Variants in LRRC17 observed in about 807,000 individuals in gnomAD.
LRRC17 encodes the protein leucine-rich repeat-containing protein 17.
Under a neutral mutation model 41.5 loss-of-function variants are expected in LRRC17, and 33 were observed. That is an observed-to-expected ratio of 0.80 (90% CI 0.60 to 1.06). The LOEUF (loss-of-function observed/expected upper bound fraction) is 1.06, where lower values mean the gene tolerates loss of function less well. LRRC17 is among the 50% of genes least tolerant of loss of function. The probability of loss-of-function intolerance (pLI) is 0.00; values close to 1 mark genes in which losing one functional copy is unlikely to be tolerated. For missense variants in LRRC17, 491 were observed against 519.3 expected (o/e 0.95, Z 0.53); for synonymous variants, 192 against 197.0 (o/e 0.97, Z 0.21).
intron 1 of LRRC17, among the ~76,000 whole-genome samples, chr7:102,922,168 C>A (rs988350874): frequency 6.9e-6 from 1 of 145,604 alleles, no homozygotes; most frequent in South Asian, 2.2e-4. Context: ...CCAGCCTGGG[C>A]GACAGAGGAA....
chr7:102,926,814 A>T (rs1818229935), intron 1 of LRRC17, among the ~76,000 whole-genome samples: 1 of 152,234 alleles, frequency 6.6e-6, no homozygotes, highest in Non-Finnish European at 1.5e-5. Context: ...AACAGTCCAT[A>T]TTTATACACA....
chr7:102,921,652 C>T (rs545250882), intron 1 of LRRC17, among the ~76,000 whole-genome samples: 44 of 152,154 alleles, frequency 2.9e-4, no homozygotes, highest in Non-Finnish European at 6.3e-4. Flanking sequence ...TGCACTCCAG[C>T]CTGGGCGACA....
At chr7:102,924,053 A>C (rs981441201) in intron 1 of LRRC17, among the ~76,000 whole-genome samples, 1 of 151,966 alleles carries the variant, frequency 6.6e-6, no homozygotes, top group Non-Finnish European at 1.5e-5. Flanking sequence ...CAGCCCGACC[A>C]ACATAGAGAA....
intron 1 of LRRC17, 169 bp downstream of exon 1, chr7:102,913,314 T>C (rs113310299): frequency 6.9e-7 from 1 of 1,446,672 alleles, no homozygotes; most frequent in Non-Finnish European, 9.5e-7. Context: ...AATTCAACTC[T>C]TCTTCTTGCA....
At chr7:102,924,695 G>A (rs1024985021) in intron 1 of LRRC17, among the ~76,000 whole-genome samples, 2 of 141,724 alleles carry the variant, frequency 1.4e-5, no homozygotes, top group African/African-American at 5.2e-5. Flanking sequence ...AGGCTGGAGT[G>A]CAGTGGCGCA....
chr7:102,939,628 C>A, intron 3 of LRRC17, 43 bp downstream of exon 3: 2 of 1,543,658 alleles, frequency 1.3e-6, no homozygotes, highest in South Asian at 2.5e-5. Flanking sequence ...GGCAAGTGTT[C>A]TGTGATTTTT....
At chr7:102,915,347 T>C (rs1227247829) in intron 1 of LRRC17, among the ~76,000 whole-genome samples, 1 of 152,190 alleles carries the variant, frequency 6.6e-6, no homozygotes, top group Non-Finnish European at 1.5e-5. Flanking sequence ...GTAATATTAT[T>C]GCTACTACTA....
In LRRC17 at chr7:102,934,405, C is replaced by T. The variant is rs1819867661; in HGVS notation, c.492C>T (p.Pro164=). ...GCTACCTGCGTCTTTATGACAACCC[C>T]TGGCACTGTACTTGTGAGATAGAAA... ...LLSYLRLYDN[P]WHCTCEIETL... Residue 164 remains proline (P), a synonymous_variant, in exon 2 of 4, where the codon CCC becomes CCT. Transcript: ENST00000339431. 1 of 1,614,078 alleles carries T rather than the reference C, an allele frequency of 6.2e-7. No individual in the cohort carries two copies. Among genetic ancestry groups the T allele is most frequent in the South Asian group, 1.1e-5 (1 of 91,086 alleles).
intron 2 of LRRC17, among the ~76,000 whole-genome samples, chr7:102,935,732 A>T (rs1465004749): frequency 3.3e-5 from 5 of 152,212 alleles, no homozygotes; most frequent in African/African-American, 1.2e-4. Flanking sequence ...GAACCATGTA[A>T]CAATGTCTAT....
intron 1 of LRRC17, among the ~76,000 whole-genome samples, chr7:102,932,577 T>A (rs139543315): frequency 7.8e-4 from 1 of 1,278 alleles, no homozygotes; most frequent in African/African-American, 1.0e-3. Context: ...ATACAATAGT[T>A]ATTCTGTTTG....
intron 1 of LRRC17, among the ~76,000 whole-genome samples, chr7:102,914,909 G>A (rs1395999147): frequency 1.3e-5 from 2 of 152,072 alleles, no homozygotes; most frequent in African/African-American, 4.8e-5. Context: ...TTTTCTTGGG[G>A]TGGGGAGAGG....
At chr7:102,931,694 A>T (rs963433163) in intron 1 of LRRC17, among the ~76,000 whole-genome samples, 1 of 152,236 alleles carries the variant, frequency 6.6e-6, no homozygotes, top group East Asian at 1.9e-4. Flanking sequence ...AACACTGAGC[A>T]TACATCTACA....
chr7:102,939,383 TG>T (rs1213722597), intron 2 of LRRC17, 46 bp from the exon 3 acceptor site: 85 of 1,517,960 alleles, frequency 5.6e-5, no homozygotes, highest in Non-Finnish European at 7.6e-5. Context: ...ACCGAGGAAA[TG>T]GGGGCAAAAA....
intron 2 of LRRC17, among the ~76,000 whole-genome samples, chr7:102,937,876 T>C (rs967762853): frequency 5.3e-5 from 8 of 152,218 alleles, no homozygotes; most frequent in Non-Finnish European, 8.8e-5. Context: ...TGGTCACACA[T>C]AGAGAACTTG....
chr7:102,929,211 G>A (rs578215096), intron 1 of LRRC17, among the ~76,000 whole-genome samples: 2 of 152,244 alleles, frequency 1.3e-5, no homozygotes, highest in South Asian at 4.1e-4. Context: ...GTTTTACTGT[G>A]GAAATGGGAT....
intron 1 of LRRC17, among the ~76,000 whole-genome samples, chr7:102,918,802 T>C (rs1816413878): frequency 6.6e-6 from 1 of 152,230 alleles, no homozygotes; most frequent in African/African-American, 2.4e-5. Flanking sequence ...CCAAATCATC[T>C]ACTTTGTAAG....
In LRRC17 at chr7:102,913,053, A is replaced by T. The variant is rs752002315; in HGVS notation, c.-233A>T. On this transcript the variant is annotated 5_prime_UTR_variant, in exon 1 of 4. Transcript: ENST00000339431. ...CCCATTCTCTGGAGAACTTCCTCAC[A>T]CACCGCAGCAAAGAGAAGACTGAAA... 6.2e-7 allele frequency: 1 copy of T among 1,613,868 alleles called. No individual in the cohort carries two copies. The highest frequency in any genetic ancestry group is 8.5e-7 in the Non-Finnish European group (1 of 1,179,842).
chr7:102,942,808 A>C (rs1312338898), intron 3 of LRRC17, among the ~76,000 whole-genome samples: 2 of 152,174 alleles, frequency 1.3e-5, no homozygotes, highest in Non-Finnish European at 2.9e-5. Context: ...GTATGACCAC[A>C]TATTTTCCTA....
intron 1 of LRRC17, among the ~76,000 whole-genome samples, chr7:102,931,527 T>C (rs1438909790): frequency 1.3e-5 from 2 of 152,202 alleles, no homozygotes; most frequent in Non-Finnish European, 2.9e-5. Flanking sequence ...TTCATTTCCA[T>C]CTTCTTTGGC....
Sources: allele counts gnomAD v4.1 joint callset (sites outside exome capture counted in the v4.1 genomes callset), GRCh38; gene constraint gnomAD v4.1.1; transcripts MANE v1.5; gene names NCBI Gene and HGNC (gene_info 2026-07-23, HGNC 2026-07-21).